Variants in XKR9 observed in about 807,000 individuals in gnomAD.
XKR9 encodes the protein XK related 9.
A neutral mutation model predicts 32.0 loss-of-function variants in XKR9; 32 were observed. That is an observed-to-expected ratio of 1.00 (90% CI 0.76 to 1.34). XKR9 has a LOEUF of 1.34. XKR9 is among the 40% of genes most tolerant of loss of function. The pLI is 0.00. For missense variants in XKR9, 546 were observed against 429.7 expected (o/e 1.27, Z -2.39); for synonymous variants, 168 against 143.4 (o/e 1.17, Z -1.22).
At chr8:70,985,141 T>C in the XKR9 span, among the ~76,000 whole-genome samples, 2 of 152,224 alleles carry the variant, frequency 1.3e-5, no homozygotes, top group East Asian at 3.8e-4. Context: ...CATTTTAATA[T>C]GTTTGATATG....
chr8:70,841,223 T>G, the XKR9 span, among the ~76,000 whole-genome samples: 1 of 152,170 alleles, frequency 6.6e-6, no homozygotes, highest in East Asian at 1.9e-4. Context: ...AAGGAAGAAC[T>G]GGTAGATTTC....
At chr8:70,698,863 G>T (rs1805397109) in intron 3 of XKR9, among the ~76,000 whole-genome samples, 1 of 152,102 alleles carries the variant, frequency 6.6e-6, no homozygotes, top group African/African-American at 2.4e-5. Flanking sequence ...ATGAATCTGG[G>T]TGCTCCTGTA....
chr8:70,980,675 G>T, the XKR9 span, among the ~76,000 whole-genome samples: 1 of 152,168 alleles, frequency 6.6e-6, no homozygotes, highest in Non-Finnish European at 1.5e-5. Context: ...CATGCTATTT[G>T]TTGCCTGAAT....
At chr8:70,813,159 C>T in the XKR9 span, among the ~76,000 whole-genome samples, 1 of 152,168 alleles carries the variant, frequency 6.6e-6, no homozygotes, top group African/African-American at 2.4e-5. Context: ...ACCATCTGAT[C>T]TTTGACCAAC....
chr8:70,715,583 A>G (rs1208424838), intron 4 of XKR9, among the ~76,000 whole-genome samples: 1 of 152,146 alleles, frequency 6.6e-6, no homozygotes, highest in African/African-American at 2.4e-5. Context: ...AAATCACCAA[A>G]GAATAAAAAC....
the XKR9 span, among the ~76,000 whole-genome samples, chr8:70,950,167 A>T: frequency 6.6e-6 from 1 of 152,226 alleles, no homozygotes; most frequent in Non-Finnish European, 1.5e-5. Context: ...TTGAAGGCAC[A>T]GTGGTGAGCA....
chr8:70,930,294 C>T, the XKR9 span, among the ~76,000 whole-genome samples: 1 of 152,112 alleles, frequency 6.6e-6, no homozygotes, highest in Non-Finnish European at 1.5e-5. Context: ...TAATACTTGG[C>T]TGGCTGAATT....
the XKR9 span, among the ~76,000 whole-genome samples, chr8:70,994,350 C>A: frequency 6.6e-6 from 1 of 151,988 alleles, no homozygotes; most frequent in Non-Finnish European, 1.5e-5. Flanking sequence ...TTTCCTCCTT[C>A]ACTATCGATA....
At chr8:70,973,328 G>T in the XKR9 span, among the ~76,000 whole-genome samples, 1 of 151,894 alleles carries the variant, frequency 6.6e-6, no homozygotes, top group Non-Finnish European at 1.5e-5. Flanking sequence ...GTTTTTATTT[G>T]AGCTTATTTG....
chr8:70,676,994 A>T (rs990659218), intron 2 of XKR9, among the ~76,000 whole-genome samples: 1 of 152,216 alleles, frequency 6.6e-6, no homozygotes, highest in Non-Finnish European at 1.5e-5. Flanking sequence ...TAAGGAAATT[A>T]TCTACATTTA....
chr8:70,988,648 T>C, the XKR9 span, among the ~76,000 whole-genome samples: 4 of 152,208 alleles, frequency 2.6e-5, no homozygotes, highest in African/African-American at 9.6e-5. Flanking sequence ...CCAATTTCTG[T>C]GACCCCACAA....
At chr8:70,688,627 AG>A (rs1819394047) in intron 3 of XKR9, among the ~76,000 whole-genome samples, 1 of 151,826 alleles carries the variant, frequency 6.6e-6, no homozygotes, top group South Asian at 2.1e-4. Context: ...CATGTTAGCC[AG>A]GATGGTCTTG....
chr8:70,895,338 A>T, the XKR9 span, among the ~76,000 whole-genome samples: 1 of 152,032 alleles, frequency 6.6e-6, no homozygotes. Flanking sequence ...AGTTATTTTC[A>T]TGAAAATATC....
the XKR9 span, among the ~76,000 whole-genome samples, chr8:70,826,597 T>C: frequency 1.5e-4 from 23 of 152,180 alleles, no homozygotes; most frequent in Non-Finnish European, 8.8e-5. Flanking sequence ...TTAAGAATTG[T>C]AATAGCTTGG....
chr8:70,824,941 A>G, the XKR9 span, among the ~76,000 whole-genome samples: 1 of 152,080 alleles, frequency 6.6e-6, no homozygotes, highest in Non-Finnish European at 1.5e-5. Context: ...AATAATAATA[A>G]TATCAAAGAT....
chr8:70,741,153 C>T (rs1410282416), intron 2 of XKR9, among the ~76,000 whole-genome samples: 3 of 152,218 alleles, frequency 2.0e-5, no homozygotes, highest in Non-Finnish European at 2.9e-5. Context: ...CTTTGTTTAC[C>T]TAAGCAAGCC....
chr8:70,670,030 T>C (rs1785627479), intron 1 of XKR9, among the ~76,000 whole-genome samples: 2 of 152,208 alleles, frequency 1.3e-5, no homozygotes, highest in South Asian at 4.1e-4. Context: ...CTACTATGCC[T>C]AAGTGCTTTC....
At chr8:70,906,556 A>G in the XKR9 span, among the ~76,000 whole-genome samples, 21 of 152,270 alleles carry the variant, frequency 1.4e-4, no homozygotes, top group African/African-American at 4.8e-4. Context: ...ACTTGCAGGG[A>G]TTTTAGCAGT....
chr8:70,793,276 A>C (rs977224078), downstream of XKR9, among the ~76,000 whole-genome samples: 5 of 152,098 alleles, frequency 3.3e-5, no homozygotes, highest in African/African-American at 1.2e-4. Context: ...TCAATATGGA[A>C]GTATTGAGAG....
Sources: gnomAD v4.1 joint callset for allele counts (sites outside exome capture counted in the v4.1 genomes callset) on GRCh38, gnomAD v4.1.1 for gene constraint, MANE v1.5 for transcripts, NCBI Gene and HGNC (gene_info 2026-07-23, HGNC 2026-07-21) for gene names.